Variants in ARHGAP39 observed in about 807,000 individuals in gnomAD.
The protein encoded by ARHGAP39 is rho GTPase-activating protein 39.
A neutral mutation model predicts 106.9 loss-of-function variants in ARHGAP39; 44 were observed. The observed-to-expected ratio is 0.41, with a 90% CI of 0.32 to 0.53. The LOEUF is 0.53. ARHGAP39 is among the 20% of genes least tolerant of loss of function. The pLI, the probability that ARHGAP39 is intolerant of heterozygous loss-of-function variation, is 0.21. For missense variants in ARHGAP39, 1,496 were observed against 1,577.3 expected (o/e 0.95, Z 0.87); for synonymous variants, 768 against 693.2 (o/e 1.11, Z -1.69).
intron 1 of ARHGAP39, among the ~76,000 whole-genome samples, chr8:144,630,440 C>A (rs1269397424): frequency 6.6e-6 from 1 of 152,222 alleles, no homozygotes; most frequent in Admixed American, 6.5e-5. Flanking sequence ...CAGCCCTGGC[C>A]CCCAGCTTCT....
At chr8:144,610,821 G>A (rs578148990) in intron 1 of ARHGAP39, among the ~76,000 whole-genome samples, 1 of 151,766 alleles carries the variant, frequency 6.6e-6, no homozygotes, top group Non-Finnish European at 1.5e-5. Context: ...TTTTCATCCC[G>A]TTCAAAGAGT....
chr8:144,633,748 G>A (rs1821120173), intron 1 of ARHGAP39, among the ~76,000 whole-genome samples: 2 of 152,272 alleles, frequency 1.3e-5, no homozygotes, highest in Middle Eastern at 3.4e-3. Flanking sequence ...GCGCAGTGGT[G>A]ATTGCAGATC....
the ARHGAP39 span, chr8:144,698,865 C>A: frequency 2.2e-6 from 1 of 456,090 alleles, no homozygotes. Flanking sequence ...AGCCTTCTTG[C>A]AAAGACAAGG....
intron 1 of ARHGAP39, among the ~76,000 whole-genome samples, chr8:144,621,533 G>A (rs1323456667): frequency 6.6e-6 from 1 of 152,246 alleles, no homozygotes; most frequent in East Asian, 1.9e-4. Flanking sequence ...GAGGAAGACA[G>A]TGGTGAATGT....
chr8:144,657,673 G>A (rs1484339721), intron 1 of ARHGAP39, among the ~76,000 whole-genome samples: 1 of 152,156 alleles, frequency 6.6e-6, no homozygotes, highest in African/African-American at 2.4e-5. Flanking sequence ...AGGATTGCAA[G>A]ATTAGTTTAA....
intron 1 of ARHGAP39, among the ~76,000 whole-genome samples, chr8:144,665,539 G>T (rs138587868): frequency 1.1e-3 from 165 of 152,322 alleles, no homozygotes; most frequent in African/African-American, 3.8e-3. Flanking sequence ...CCAGGCCCAG[G>T]GTCCCTGTGC....
chr8:144,690,958 CT>C, the ARHGAP39 span, among the ~76,000 whole-genome samples: 1 of 152,090 alleles, frequency 6.6e-6, no homozygotes, highest in Non-Finnish European at 1.5e-5. Flanking sequence ...TTGCCCAGCC[CT>C]TTTGTCCATT....
At chr8:144,558,178 T>C (rs918932475) in intron 3 of ARHGAP39, among the ~76,000 whole-genome samples, 4 of 152,230 alleles carry the variant, frequency 2.6e-5, no homozygotes, top group Admixed American at 6.5e-5. Context: ...TTGAGACATA[T>C]AAAAGAAGAC....
chr8:144,639,449 A>G (rs1308580137), intron 1 of ARHGAP39, among the ~76,000 whole-genome samples: 1 of 152,120 alleles, frequency 6.6e-6, no homozygotes, highest in African/African-American at 2.4e-5. Context: ...TTAAATCATC[A>G]TCTGTTAACA....
intron 2 of ARHGAP39, among the ~76,000 whole-genome samples, chr8:144,602,748 G>A (rs1229446209): frequency 2.7e-5 from 4 of 145,772 alleles, no homozygotes; most frequent in Non-Finnish European, 4.5e-5. Context: ...ATGGAGGCGT[G>A]TGTGTGAGCT....
chr8:144,612,052 G>A (rs150637311), intron 1 of ARHGAP39, among the ~76,000 whole-genome samples: 40 of 151,544 alleles, frequency 2.6e-4, no homozygotes, highest in Non-Finnish European at 4.7e-4. Flanking sequence ...AGGATTCCTT[G>A]AACCCAAGAG....
chr8:144,588,754 C>A (rs1056290899), intron 2 of ARHGAP39, among the ~76,000 whole-genome samples: 2 of 152,262 alleles, frequency 1.3e-5, no homozygotes, highest in African/African-American at 2.4e-5. Flanking sequence ...GCCTCAGCAG[C>A]CTCAGCTGGG....
chr8:144,691,261 C>A, the ARHGAP39 span, among the ~76,000 whole-genome samples: 1 of 152,144 alleles, frequency 6.6e-6, no homozygotes, highest in African/African-American at 2.4e-5. Context: ...TCAAGTGGAT[C>A]CAGGAGAGAG....
intron 2 of ARHGAP39, among the ~76,000 whole-genome samples, chr8:144,603,456 C>T (rs891893405): frequency 1.3e-5 from 2 of 151,978 alleles, no homozygotes; most frequent in East Asian, 1.9e-4. Flanking sequence ...TTTGGGAGGC[C>T]GAGGCGGGCA....
At chr8:144,571,703 C>G (rs556472804) in intron 3 of ARHGAP39, among the ~76,000 whole-genome samples, 12 of 152,194 alleles carry the variant, frequency 7.9e-5, no homozygotes, top group African/African-American at 2.9e-4. Context: ...TCAAATTGTC[C>G]CTGTTTGCAG....
At chr8:144,655,440 GCTT>G (rs2129662349) in intron 1 of ARHGAP39, among the ~76,000 whole-genome samples, 1 of 152,082 alleles carries the variant, frequency 6.6e-6, no homozygotes, top group African/African-American at 2.4e-5. Context: ...CCAATCCAGG[GCTT>G]CTTCTCTGCT....
At position 144,545,641 on chromosome 8, in the gene ARHGAP39, A is replaced by G; in HGVS notation, c.2129T>C (p.Phe710Ser). The G allele has an allele frequency of 6.2e-7, 1 of 1,613,664 alleles. No homozygotes were observed. The highest frequency in any genetic ancestry group is 1.1e-5 in the South Asian group (1 of 91,080). ...GTTGGCGATGGACACCTTCCGCCGGAAGAGGCCCTGCGTGTGCTTGTTGAA... is the reference window on the plus strand; with the variant it reads ...GTTGGCGATGGACACCTTCCGCCGGGAGAGGCCCTGCGTGTGCTTGTTGAA... ...KHFNKHTQGL[F>S]RRKVSIANML... The change falls in exon 6 of 12, where the codon TTC (phenylalanine) becomes TCC (serine). Residue 710 changes from phenylalanine (F) to serine (S), a missense_variant. Around this residue, in one of 4 missense-constraint regions of ARHGAP39, gnomAD observed 470 missense variants for 605.1 expected, o/e 0.78. Coordinates refer to ENST00000377307, the MANE Select transcript of ARHGAP39 (RefSeq NM_025251.3).
chr8:144,531,002 G>T lies in ARHGAP39; in HGVS notation c.2981-131C>A, dbSNP rs1227033470. 12 of 1,218,590 alleles carry T rather than the reference G, an allele frequency of 9.8e-6. 1 individual carries two copies. The South Asian group carries it at 1.4e-4, about 14-fold the overall frequency. The allele number at this position is 1,218,590 out of a possible 1,614,324, so 75.5% of individuals were successfully genotyped here. On this transcript the variant is annotated intron_variant, in intron 10 of 11. Coordinates refer to ENST00000377307, the MANE Select transcript of ARHGAP39 (RefSeq NM_025251.3). The stretch of plus-strand genomic sequence containing the variant: ...GGGAGGGCCGGCTCATTCTGGACAG[G>T]GCCCATCTGGCCAGGCTGGGCCCTG...
intron 1 of ARHGAP39, among the ~76,000 whole-genome samples, chr8:144,618,926 C>T (rs934156796): frequency 2.0e-5 from 3 of 152,242 alleles, no homozygotes; most frequent in African/African-American, 7.2e-5. Flanking sequence ...CTTCCCACAA[C>T]CCTATGAGGC....
Sources: allele counts gnomAD v4.1 joint callset (sites outside exome capture counted in the v4.1 genomes callset), GRCh38; gene constraint gnomAD v4.1.1; regional missense constraint gnomAD v4.1.1; transcripts MANE v1.5; gene names NCBI Gene and HGNC (gene_info 2026-07-23, HGNC 2026-07-21).